CDK8: variants seen among roughly 807,000 people sequenced by gnomAD.
The protein encoded by CDK8 is cyclin dependent kinase 8.
A neutral mutation model predicts 71.5 loss-of-function variants in CDK8; 29 were observed. The observed-to-expected ratio is 0.41, with a 90% CI of 0.30 to 0.55. The LOEUF is 0.55. CDK8 is among the 20% of genes least tolerant of loss of function. CDK8 has a pLI of 0.37. For missense variants in CDK8, 288 were observed against 572.6 expected, an observed-to-expected ratio of 0.50 and a Z score of 5.07; for synonymous variants, 161 against 192.1, an observed-to-expected ratio of 0.84 and a Z score of 1.34.
chr13:26,362,227 GA>G (rs1874178942), intron 4 of CDK8, among the ~76,000 whole-genome samples: 1 of 39,632 alleles, frequency 2.5e-5, no homozygotes, highest in Admixed American at 2.8e-4. Flanking sequence ...ATGATAGATG[GA>G]TGGATGGATG....
At chr13:26,302,478 C>T (rs1325649713) in intron 1 of CDK8, among the ~76,000 whole-genome samples, 2 of 152,108 alleles carry the variant, frequency 1.3e-5, no homozygotes, top group East Asian at 1.9e-4. Flanking sequence ...ACAGATAGGG[C>T]AGCTAAGGAA....
rs1463314683 is a variant in CDK8, at chr13:26,261,913, A to G, written c.128+7144A>G. 3.3e-5 allele frequency among the ~76,000 whole-genome samples: 5 copies of G among 152,220 alleles called. No individual in the cohort carries two copies. The South Asian group carries it at 1.0e-3, about 32-fold the overall frequency. ...GGACCAAGTTCTTTGTTCTTTGTGT[A>G]CAAGACCTGACTAGTCTATTTTATT... is the stretch of plus-strand genomic sequence containing the variant. On this transcript the variant is annotated intron_variant, in intron 1 of 12. Transcript: ENST00000381527.
intron 2 of CDK8, among the ~76,000 whole-genome samples, chr13:26,348,686 A>G (rs544829504): frequency 6.6e-6 from 1 of 152,064 alleles, no homozygotes; most frequent in East Asian, 1.9e-4. Flanking sequence ...TCTGTTTGGG[A>G]TGACAAAAAA....
At chr13:26,276,298 ATAT>A (rs945446219) in intron 1 of CDK8, among the ~76,000 whole-genome samples, 18 of 152,198 alleles carry the variant, frequency 1.2e-4, no homozygotes, top group African/African-American at 4.1e-4. Flanking sequence ...TGTTTTCCTA[ATAT>A]TATTAGATTT....
intron 1 of CDK8, among the ~76,000 whole-genome samples, chr13:26,313,376 C>T (rs1331784109): frequency 6.6e-6 from 1 of 152,070 alleles, no homozygotes; most frequent in Admixed American, 6.5e-5. Context: ...TGACTCAGAC[C>T]AATTCTTAAG....
intron 1 of CDK8, among the ~76,000 whole-genome samples, chr13:26,318,576 A>G (rs1195853116): frequency 6.6e-6 from 1 of 152,212 alleles, no homozygotes; most frequent in Non-Finnish European, 1.5e-5. Context: ...TAATGGGATT[A>G]TATTCTATGA....
chr13:26,313,802 A>G (rs936721636), intron 1 of CDK8, among the ~76,000 whole-genome samples: 3 of 152,186 alleles, frequency 2.0e-5, no homozygotes, highest in Admixed American at 2.0e-4. Flanking sequence ...CCTGTTAAAT[A>G]TTTACTCCTT....
chr13:26,386,042 T>C (rs1875460366), intron 6 of CDK8, among the ~76,000 whole-genome samples: 1 of 152,176 alleles, frequency 6.6e-6, no homozygotes, highest in Non-Finnish European at 1.5e-5. Flanking sequence ...TGAAAAACAA[T>C]TTAGCACTTT....
chr13:26,338,648 A>G (rs1437520733), intron 2 of CDK8, among the ~76,000 whole-genome samples: 1 of 152,102 alleles, frequency 6.6e-6, no homozygotes, highest in Non-Finnish European at 1.5e-5. Flanking sequence ...ACCATGCTGA[A>G]AGATGTAGTT....
intron 1 of CDK8, among the ~76,000 whole-genome samples, chr13:26,297,289 A>T (rs1157157194): frequency 6.6e-6 from 1 of 151,766 alleles, no homozygotes; most frequent in Non-Finnish European, 1.5e-5. Context: ...AAAAGCCAAT[A>T]TTAAGAATAG....
intron 1 of CDK8, among the ~76,000 whole-genome samples, chr13:26,261,877 A>G (rs1871784134): frequency 6.6e-6 from 1 of 152,214 alleles, no homozygotes; most frequent in African/African-American, 2.4e-5. Context: ...CTTTACATTG[A>G]CTTTGGTTTA....
chr13:26,275,393 A>G (rs1374570475), intron 1 of CDK8, among the ~76,000 whole-genome samples: 1 of 152,192 alleles, frequency 6.6e-6, no homozygotes, highest in East Asian at 1.9e-4. Flanking sequence ...TATGTTTTTT[A>G]TTCAGATTTT....
chr13:26,395,096 T>C (rs979549024), intron 7 of CDK8, among the ~76,000 whole-genome samples: 1 of 152,142 alleles, frequency 6.6e-6, no homozygotes, highest in Admixed American at 6.5e-5. Flanking sequence ...AGGAGTGTAG[T>C]GTATGTTTAG....
At chr13:26,328,364 A>G (rs2137958560) in intron 1 of CDK8, among the ~76,000 whole-genome samples, 1 of 152,322 alleles carries the variant, frequency 6.6e-6, no homozygotes, top group Non-Finnish European at 1.5e-5. Flanking sequence ...TGAAAGAAGT[A>G]GTGTACTGCT....
At chr13:26,315,853 C>T (rs778476788) in intron 1 of CDK8, among the ~76,000 whole-genome samples, 1 of 152,188 alleles carries the variant, frequency 6.6e-6, no homozygotes, top group Non-Finnish European at 1.5e-5. Flanking sequence ...GCACCAGGAA[C>T]TTGTCTCTTT....
In CDK8 at chr13:26,275,197, AT is replaced by A. The variant is rs142953015; in HGVS notation, c.128+20429del. Among the ~76,000 whole-genome samples the A allele has an allele frequency of 3.1e-3, 473 of 152,216 alleles. 2 individuals are homozygous for A. Among genetic ancestry groups the A allele is most frequent in the South Asian group, 9.5e-3 (46 of 4,822 alleles). On this transcript the variant is annotated intron_variant, in intron 1 of 12. Transcript: ENST00000381527. Reference sequence around the variant, plus strand: ...ACGTCTTTTATAATAAAGATCTACAATATCTGGGGTAAGACTGGAACCTTGA... The same window carrying A: ...ACGTCTTTTATAATAAAGATCTACAAATCTGGGGTAAGACTGGAACCTTGA...
At chr13:26,321,230 C>T (rs906640009) in intron 1 of CDK8, among the ~76,000 whole-genome samples, 16 of 152,038 alleles carry the variant, frequency 1.1e-4, no homozygotes, top group Non-Finnish European at 1.5e-5. Flanking sequence ...TTCTGACATA[C>T]GATACAACCT....
chr13:26,283,030 C>G (rs778120928), intron 1 of CDK8, among the ~76,000 whole-genome samples: 6 of 152,078 alleles, frequency 3.9e-5, no homozygotes, highest in Non-Finnish European at 1.5e-5. Flanking sequence ...ATATATGGAC[C>G]TAACATTGGA....
intron 2 of CDK8, among the ~76,000 whole-genome samples, chr13:26,344,390 A>G (rs2137984533): frequency 6.6e-6 from 1 of 152,304 alleles, no homozygotes; most frequent in South Asian, 2.1e-4. Flanking sequence ...AGGTACATAT[A>G]CATTAGCCTA....
Sources: allele counts gnomAD v4.1 joint callset (sites outside exome capture counted in the v4.1 genomes callset), GRCh38; gene constraint gnomAD v4.1.1; transcripts MANE v1.5; gene names NCBI Gene and HGNC (gene_info 2026-07-23, HGNC 2026-07-21).